The following PCDHGB5 variants were observed in gnomAD, a reference collection of about 807,000 sequenced individuals.
PCDHGB5 encodes the protein protocadherin gamma subfamily B, 5.
Under a neutral mutation model 62.9 loss-of-function variants are expected in PCDHGB5, and 48 were observed. That is an observed-to-expected ratio of 0.76 (90% confidence interval 0.61 to 0.97). The LOEUF is 0.97. Among genes scored for constraint, PCDHGB5 ranks in the 50% least tolerant of loss-of-function variants. The pLI, the probability that PCDHGB5 is intolerant of heterozygous loss-of-function variation, is 0.00. For missense variants in PCDHGB5, 1,118 were observed against 1,198.6 expected, an observed-to-expected ratio of 0.93 and a Z score of 0.99; for synonymous variants, 474 against 511.2, an observed-to-expected ratio of 0.93 and a Z score of 0.98.
At position 141,414,416 on chromosome 5, in the gene PCDHGB5, T is replaced by C. The variant is rs550804810; in HGVS notation, c.2397+13892T>C. The C allele has an allele frequency of 2.2e-5, 35 of 1,613,902 alleles. No homozygotes were observed. In the South Asian group the frequency reaches 3.5e-4, roughly 16 times the overall value. On this transcript the variant is annotated intron_variant, in intron 1 of 3. Coordinates refer to ENST00000617380, the MANE Select transcript of PCDHGB5 (RefSeq NM_018925.3). ...TACAGATTGGTGATACACAGAGCCCTTGACAGGGAACAGGTATCCTCTTAC... is the reference window on the plus strand; with the variant it reads ...TACAGATTGGTGATACACAGAGCCCCTGACAGGGAACAGGTATCCTCTTAC...
At chr5:141,478,408 G>C in intron 1 of PCDHGB5, 1 of 1,613,340 alleles carries the variant, frequency 6.2e-7, no homozygotes, top group Non-Finnish European at 8.5e-7. Flanking sequence ...ATCTCACCAC[G>C]GACTCCCGCC....
At chr5:141,448,730 G>A (rs1419700194) in intron 1 of PCDHGB5, among the ~76,000 whole-genome samples, 1 of 152,072 alleles carries the variant, frequency 6.6e-6, no homozygotes, top group African/African-American at 2.4e-5. Context: ...CACGAGGTCA[G>A]GAGATCGAGA....
intron 1 of PCDHGB5, chr5:141,405,186 G>A (rs762537440): frequency 6.2e-6 from 10 of 1,612,892 alleles, no homozygotes; most frequent in Non-Finnish European, 8.5e-6. Context: ...GGTGTAGATG[G>A]GGTTCGAGCT....
chr5:141,487,176 A>T lies in PCDHGB5; in HGVS notation c.2398-7631A>T. ...ACTCTCTTAGTGTCCTTAGAGGAAG[A>T]CACTCATCCAGTTGTCCCAGATCTT... On this transcript the variant is annotated intron_variant, in intron 1 of 3. Transcript: ENST00000617380. This position sits in a 1 kb window ranked among gnomAD's most constrained non-coding sequence, Gnocchi z 5.0. 1 of 1,613,774 alleles carries T rather than the reference A, an allele frequency of 6.2e-7. No individual in the cohort carries two copies. Among genetic ancestry groups the T allele is most frequent in the South Asian group, 1.1e-5 (1 of 91,082 alleles).
At chr5:141,415,366 G>T in intron 1 of PCDHGB5, 1 of 1,614,252 alleles carries the variant, frequency 6.2e-7, no homozygotes, top group South Asian at 1.1e-5. Flanking sequence ...CCTGCTGCAG[G>T]CTTCAGGAGG....
chr5:141,427,931 G>T (rs1381637805), intron 1 of PCDHGB5: 3 of 1,583,646 alleles, frequency 1.9e-6, no homozygotes, highest in Non-Finnish European at 2.6e-6. Flanking sequence ...GGCGCATGTT[G>T]GTGGGCGACC....
intron 1 of PCDHGB5, chr5:141,409,205 A>C (rs766592481): frequency 1.2e-6 from 2 of 1,614,068 alleles, no homozygotes; most frequent in Non-Finnish European, 1.7e-6. Flanking sequence ...TAAAGTAATC[A>C]TAGAAATCCT....
In PCDHGB5 at chr5:141,485,896, C is replaced by T; in HGVS notation, c.2398-8911C>T. On this transcript the variant is annotated intron_variant, in intron 1 of 3. Coordinates refer to ENST00000617380, the MANE Select transcript of PCDHGB5 (RefSeq NM_018925.3). The surrounding 1 kb of genome is among the most constrained non-coding windows in gnomAD (Gnocchi z 5.7). ...TGGACGTAAACGACAACGCCCCAGC[C>T]TTCCAGCAATCCAGCTACAGGATTA... 6.2e-7 allele frequency: 1 copy of T among 1,614,190 alleles called. No individual in the cohort carries two copies. The highest frequency in any genetic ancestry group is 8.5e-7 in the Non-Finnish European group (1 of 1,180,042).
chr5:141,510,853 CTGT>C, intron 3 of PCDHGB5, 91 bp from the exon 4 acceptor site: 3 of 1,601,238 alleles, frequency 1.9e-6, no homozygotes, highest in Middle Eastern at 1.7e-4. Context: ...GCCCAGGGTG[CTGT>C]ATAGGCATTC....
In PCDHGB5 at chr5:141,489,574, C is replaced by T. The variant is rs963768096; in HGVS notation, c.2398-5233C>T. The T allele has an allele frequency of 2.5e-6, 4 of 1,613,978 alleles. No homozygotes were observed. The highest frequency in any genetic ancestry group is 3.4e-6 in the Non-Finnish European group (4 of 1,180,014). ...GCTGCCAGTGCAGGTGGTGACTGAA[C>T]ACCCCCTGGAGCTAATCCGTGTAGA... On this transcript the variant is annotated intron_variant, in intron 1 of 3. Coordinates refer to ENST00000617380, the MANE Select transcript of PCDHGB5 (RefSeq NM_018925.3). This position sits in a 1 kb window ranked among gnomAD's most constrained non-coding sequence, Gnocchi z 4.5.
intron 1 of PCDHGB5, chr5:141,423,750 TGGG>T: frequency 4.5e-5 from 13 of 287,436 alleles, no homozygotes; most frequent in South Asian, 1.7e-4. Flanking sequence ...GAAAACTGTT[TGGG>T]GGGGGGGTGG....
chr5:141,427,398 A>T (rs1040184910), intron 1 of PCDHGB5: 8 of 460,774 alleles, frequency 1.7e-5, no homozygotes, highest in Non-Finnish European at 3.5e-5. Context: ...AACACATGAT[A>T]AAGATTCGAG....
chr5:141,477,052 C>T lies in PCDHGB5; in HGVS notation c.2398-17755C>T. On this transcript the variant is annotated intron_variant, in intron 1 of 3. Coordinates refer to ENST00000617380, the MANE Select transcript of PCDHGB5 (RefSeq NM_018925.3). The surrounding 1 kb of genome is among the most constrained non-coding windows in gnomAD (Gnocchi z 4.9). ...TGACAATCAAGGGTCGGCTGGACTT[C>T]GAGGACACCAAACTCCATGAGATTT... 1.2e-6 allele frequency: 2 copies of T among 1,614,240 alleles called. No individual in the cohort carries two copies. The highest frequency in any genetic ancestry group is 1.7e-6 in the Non-Finnish European group (2 of 1,180,032).
At position 141,479,006 on chromosome 5, in the gene PCDHGB5, T is replaced by C. The variant is rs148063283; in HGVS notation, c.2398-15801T>C. On this transcript the variant is annotated intron_variant, in intron 1 of 3. Transcript: ENST00000617380. ...ACATTTGTATTAAAACTAATAGCTT[T>C]TTGATAATTTTCCTTTGTTTATACA... Among the ~76,000 whole-genome samples the C allele has an allele frequency of 1.2e-3, 179 of 152,340 alleles. 2 individuals are homozygous for C. The highest frequency in any genetic ancestry group is 0.011 in the Admixed American group (170 of 15,300).
intron 1 of PCDHGB5, chr5:141,475,814 TC>T: frequency 3.0e-6 from 1 of 338,520 alleles, no homozygotes; most frequent in Non-Finnish European, 5.4e-6. Flanking sequence ...AAAGTGAAGT[TC>T]CTGGCGCTAG....
chr5:141,436,998 A>G (rs985067199), intron 1 of PCDHGB5, among the ~76,000 whole-genome samples: 23 of 152,242 alleles, frequency 1.5e-4, no homozygotes, highest in South Asian at 2.1e-4. Flanking sequence ...GTTTACTTCA[A>G]TGGGATCTTA....
intron 1 of PCDHGB5, among the ~76,000 whole-genome samples, chr5:141,457,854 C>A (rs2098930903): frequency 6.6e-6 from 1 of 152,234 alleles, no homozygotes; most frequent in African/African-American, 2.4e-5. Flanking sequence ...AAGTGACATT[C>A]TTCACTGACC....
intron 1 of PCDHGB5, chr5:141,409,496 C>CT (rs1276498782): frequency 6.2e-7 from 1 of 1,614,044 alleles, no homozygotes; most frequent in South Asian, 1.1e-5. Context: ...CAAGCCGCCT[C>CT]TTTCTTCCAG....
chr5:141,432,991 C>G lies in PCDHGB5; in HGVS notation c.2397+32467C>G, dbSNP rs1269992849. ...CGGCGTCGCACTTTGTGGGCGTGGACGGGGTGCAGGCTTTCCTGCAGACCT... is the reference window on the plus strand; with the variant it reads ...CGGCGTCGCACTTTGTGGGCGTGGAGGGGGTGCAGGCTTTCCTGCAGACCT... On this transcript the variant is annotated intron_variant, in intron 1 of 3. Transcript: ENST00000617380. The surrounding 1 kb of genome is among the most constrained non-coding windows in gnomAD (Gnocchi z 6.0). The G allele has an allele frequency of 6.2e-7, 1 of 1,614,200 alleles. No homozygotes were observed. Among genetic ancestry groups the G allele is most frequent in the Admixed American group, 1.7e-5 (1 of 60,032 alleles).
Sources: allele counts gnomAD v4.1 joint callset (sites outside exome capture counted in the v4.1 genomes callset), GRCh38; gene constraint gnomAD v4.1.1; non-coding constraint Gnocchi (gnomAD v3.1); transcripts MANE v1.5; gene names NCBI Gene and HGNC (gene_info 2026-07-23, HGNC 2026-07-21).